Variants in RGS17 observed in about 807,000 individuals in gnomAD.
The protein encoded by RGS17 is regulator of G-protein signaling 17.
A neutral mutation model predicts 25.5 loss-of-function variants in RGS17; 12 were observed. That is an observed-to-expected ratio of 0.47 (90% CI 0.30 to 0.76). The LOEUF (loss-of-function observed/expected upper bound fraction) is 0.76, where lower values mean the gene tolerates loss of function less well. RGS17 is among the 30% of genes least tolerant of loss of function. The pLI is 0.07. For synonymous variants in RGS17, 71 were observed against 76.9 expected, an observed-to-expected ratio of 0.92 and a Z score of 0.40; for missense variants, 196 against 242.2, an observed-to-expected ratio of 0.81 and a Z score of 1.27.
Position 153,023,807 on chromosome 6 carries a change from T to A in RGS17, c.444+455A>T, listed in dbSNP as rs796816780. Among the ~76,000 whole-genome samples, 28 of 152,306 alleles carry A rather than the reference T, an allele frequency of 1.8e-4. 1 individual carries two copies. Among genetic ancestry groups the A allele is most frequent in the African/African-American group, 6.5e-4 (27 of 41,556 alleles). ...AACTAGTATGTATGTGGAAAACTTG[T>A]TAAAAGTGCAGATTTCTGGGTCCTA... On this transcript the variant is annotated intron_variant, in intron 4 of 4. Coordinates refer to ENST00000206262, the MANE Select transcript of RGS17 (RefSeq NM_012419.5).
intron 1 of RGS17, among the ~76,000 whole-genome samples, chr6:153,129,376 T>C (rs1777750838): frequency 6.6e-6 from 1 of 152,222 alleles, no homozygotes; most frequent in Admixed American, 6.5e-5. Context: ...AGTGCTATAA[T>C]GCATATTTCT....
At position 153,045,251 on chromosome 6, in the gene RGS17, C is replaced by T. The variant is rs535897782; in HGVS notation, c.-25-1208G>A. On this transcript the variant is annotated intron_variant, in intron 1 of 4. Transcript: ENST00000206262. ...TGCAATTCAGATATTGAAACAGAAGCGGGCAAAGGTCCACACTCCAGTGAG... is the reference window on the plus strand; with the variant it reads ...TGCAATTCAGATATTGAAACAGAAGTGGGCAAAGGTCCACACTCCAGTGAG... 2.6e-5 allele frequency among the ~76,000 whole-genome samples: 4 copies of T among 152,254 alleles called. No individual in the cohort carries two copies. In the South Asian group the frequency reaches 6.2e-4, roughly 24 times the overall value.
At chr6:153,078,985 A>G (rs994931234) in intron 1 of RGS17, among the ~76,000 whole-genome samples, 1 of 152,134 alleles carries the variant, frequency 6.6e-6, no homozygotes, top group Non-Finnish European at 1.5e-5. Context: ...TCTATAAATA[A>G]AGGCAGCTTT....
At chr6:153,069,354 A>G (rs941193140) in intron 1 of RGS17, among the ~76,000 whole-genome samples, 2 of 152,222 alleles carry the variant, frequency 1.3e-5, no homozygotes, top group African/African-American at 4.8e-5. Flanking sequence ...CAGGTACAGA[A>G]AGAAAAACAT....
rs911059646 is a variant in RGS17, at chr6:153,024,270, G to A, written c.436C>T (p.Pro146Ser). 3 of 1,603,512 alleles carry A rather than the reference G, an allele frequency of 1.9e-6. No homozygotes were observed. Among genetic ancestry groups the A allele is most frequent in the Non-Finnish European group, 2.6e-6 (3 of 1,171,532 alleles). ...IYEDYISILS[P>S]KEVSLDSRVR... ...GTTTTCCAGATTTTTACCTCTTTTG[G>A]TGATAGTATAGAAATGTAATCTTCA... The change falls in exon 4 of 5, where the codon CCA (proline) becomes TCA (serine). Residue 146 changes from proline to serine, a missense_variant. Around this residue, in one of 2 missense-constraint regions of RGS17, gnomAD observed 179 missense variants for 197.6 expected, o/e 0.91. Transcript: ENST00000206262.
intron 1 of RGS17, among the ~76,000 whole-genome samples, chr6:153,060,590 T>A (rs2152964): frequency 0.37 from 56,671 of 151,958 alleles, 11,092 homozygotes; most frequent in East Asian, 0.62. Flanking sequence ...AAAAAATAAT[T>A]ATAAGTTTCA....
intron 4 of RGS17, 41 bp downstream of exon 4, chr6:153,024,221 T>C: frequency 7.3e-7 from 1 of 1,372,892 alleles, no homozygotes; most frequent in Non-Finnish European, 1.0e-6. Flanking sequence ...CGGTTATCCT[T>C]GGTCTTAGGA....
chr6:153,104,418 C>T (rs1777349368), intron 1 of RGS17, among the ~76,000 whole-genome samples: 3 of 152,050 alleles, frequency 2.0e-5, no homozygotes, highest in Non-Finnish European at 4.4e-5. Flanking sequence ...GGAGTGAAAC[C>T]CAAGATAAAT....
At chr6:153,052,098 T>G (rs1271877186) in intron 1 of RGS17, among the ~76,000 whole-genome samples, 1 of 152,174 alleles carries the variant, frequency 6.6e-6, no homozygotes, top group African/African-American at 2.4e-5. Flanking sequence ...AAGAATTGCC[T>G]GATTTTCAAC....
chr6:153,059,215 A>C (rs1415438310), intron 1 of RGS17, among the ~76,000 whole-genome samples: 1 of 152,194 alleles, frequency 6.6e-6, no homozygotes, highest in Non-Finnish European at 1.5e-5. Context: ...GCTTTCCCCT[A>C]TTAAAGTACT....
At chr6:153,111,443 A>G (rs893137553) in intron 1 of RGS17, among the ~76,000 whole-genome samples, 3 of 152,186 alleles carry the variant, frequency 2.0e-5, no homozygotes, top group African/African-American at 7.2e-5. Flanking sequence ...AGCCCCAGTC[A>G]GGGGCTTATA....
At chr6:153,034,524 A>G (rs1436676482) in intron 2 of RGS17, among the ~76,000 whole-genome samples, 3 of 152,186 alleles carry the variant, frequency 2.0e-5, no homozygotes, top group Non-Finnish European at 2.9e-5. Flanking sequence ...ATACCTATCA[A>G]TAAAGGATTA....
At chr6:153,073,319 G>C (rs776208252) in intron 1 of RGS17, among the ~76,000 whole-genome samples, 3 of 151,978 alleles carry the variant, frequency 2.0e-5, no homozygotes, top group Non-Finnish European at 4.4e-5. Flanking sequence ...CCTCCAAATG[G>C]GCTTGCTCCA....
At chr6:153,127,549 A>C (rs1227621146) in intron 1 of RGS17, among the ~76,000 whole-genome samples, 1 of 152,194 alleles carries the variant, frequency 6.6e-6, no homozygotes, top group Non-Finnish European at 1.5e-5. Flanking sequence ...ACAGCAATAA[A>C]GTTTTTAAAG....
chr6:153,058,068 T>C (rs2129113971), intron 1 of RGS17, among the ~76,000 whole-genome samples: 1 of 152,318 alleles, frequency 6.6e-6, no homozygotes, highest in Non-Finnish European at 1.5e-5. Flanking sequence ...TAATAATTGA[T>C]AATAATAGAA....
intron 3 of RGS17, among the ~76,000 whole-genome samples, chr6:153,025,695 TA>T (rs1319534368): frequency 8.6e-6 from 1 of 116,080 alleles, no homozygotes; most frequent in Non-Finnish European, 1.8e-5. Flanking sequence ...AACATATATA[TA>T]AAAACATATA....
chr6:153,036,988 T>G (rs538072472), intron 2 of RGS17, among the ~76,000 whole-genome samples: 1 of 152,232 alleles, frequency 6.6e-6, no homozygotes, highest in Admixed American at 6.5e-5. Context: ...TTGCTTCCCA[T>G]CTCTAAAAAG....
At chr6:153,053,454 C>A (rs1335826457) in intron 1 of RGS17, among the ~76,000 whole-genome samples, 2 of 152,112 alleles carry the variant, frequency 1.3e-5, no homozygotes, top group Non-Finnish European at 1.5e-5. Flanking sequence ...CAACTTTAAT[C>A]ATTTCTTTAA....
chr6:153,129,360 G>A (rs1375634431), intron 1 of RGS17, among the ~76,000 whole-genome samples: 4 of 152,158 alleles, frequency 2.6e-5, no homozygotes, highest in Non-Finnish European at 5.9e-5. Flanking sequence ...CCTTCCATTA[G>A]ATAGGAGTGC....
Sources: allele counts gnomAD v4.1 joint callset (sites outside exome capture counted in the v4.1 genomes callset), GRCh38; gene constraint gnomAD v4.1.1; regional missense constraint gnomAD v4.1.1; transcripts MANE v1.5; gene names NCBI Gene and HGNC (gene_info 2026-07-23, HGNC 2026-07-21).